Variants in ARHGEF19 observed in about 807,000 individuals in gnomAD.
The protein encoded by ARHGEF19 is Rho guanine nucleotide exchange factor 19.
A neutral mutation model predicts 87.6 loss-of-function variants in ARHGEF19; 92 were observed. That is an observed-to-expected ratio of 1.05 (90% confidence interval 0.89 to 1.25). The LOEUF (loss-of-function observed/expected upper bound fraction) is 1.25. Among genes scored for constraint, ARHGEF19 ranks in the 50% most tolerant of loss-of-function variants. The pLI is 0.00. For synonymous variants in ARHGEF19, 438 were observed against 446.2 expected (o/e 0.98, Z 0.23); for missense variants, 1,054 against 1,051.8 (o/e 1.00, Z -0.03).
In ARHGEF19 at chr1:16,198,530, C is replaced by G; in HGVS notation, c.*57G>C. On this transcript the variant is annotated 3_prime_UTR_variant, in exon 16 of 16. Coordinates refer to ENST00000270747, the MANE Select transcript of ARHGEF19 (RefSeq NM_153213.5). This position sits in a 1 kb window ranked among gnomAD's most constrained non-coding sequence, Gnocchi z 4.1. ...TGGGGAATGGAGACACTGCAGGCCC[C>G]TCCAGGACCATCCAGGAGCCAGGCA... The G allele has an allele frequency of 6.5e-7, 1 of 1,547,954 alleles. No individual in the cohort carries two copies. The highest frequency in any genetic ancestry group is 2.3e-5 in the East Asian group (1 of 44,232).
chr1:16,198,881 C>A lies in ARHGEF19; in HGVS notation c.2252-137G>T. The A allele has an allele frequency of 2.6e-6, 3 of 1,149,506 alleles. No homozygotes were observed. The highest frequency in any genetic ancestry group is 3.6e-6 in the Non-Finnish European group (3 of 825,450). 71.2% of individuals were successfully genotyped at this position (1,149,506 alleles called of 1,614,324 possible). A position where few individuals can be genotyped will look rare whatever the true frequency, so the allele number is the denominator to read the frequency against. On this transcript the variant is annotated intron_variant, in intron 15 of 15. Transcript: ENST00000270747. The surrounding 1 kb of genome is among the most constrained non-coding windows in gnomAD (Gnocchi z 4.1). ...GACATCATCTCAGCATCTCTCAGCT[C>A]CAGGAAGGACCCTGTCTTGAGCTGT... is the stretch of plus-strand genomic sequence containing the variant.
At position 16,198,661 on chromosome 1, in the gene ARHGEF19, C is replaced by A. The variant is rs774766550; in HGVS notation, c.2335G>T (p.Ala779Ser). 6.2e-7 allele frequency: 1 copy of A among 1,613,790 alleles called. No homozygotes were observed. Among genetic ancestry groups the A allele is most frequent in the Non-Finnish European group, 8.5e-7 (1 of 1,179,770 alleles). Reference protein sequence around the residue: ...AYVEEISSLSARLRNLRENKR... With the variant: ...AYVEEISSLSSRLRNLRENKR... ...TTCTCCCGGAGGTTTCGGAGGCGGG[C>A]GCTGAGGCTGCTGATCTCTTCCACA... The change falls in exon 16 of 16, where the codon GCC becomes TCC. Residue 779 changes from alanine (A) to serine (S), a missense_variant. By Grantham distance (99) the Ala-to-Ser change is moderately conservative. Transcript: ENST00000270747. This position sits in a 1 kb window ranked among gnomAD's most constrained non-coding sequence, Gnocchi z 4.1.
chr1:16,206,828 A>C lies in ARHGEF19; in HGVS notation c.1137+120T>G. The stretch of plus-strand genomic sequence containing the variant: ...CCTAGAGCCAACCTTCCGCGCGGAC[A>C]GTCGCGCCAGCAACCCCCTTTGTGT... On this transcript the variant is annotated intron_variant, in intron 6 of 15. Coordinates refer to ENST00000270747, the MANE Select transcript of ARHGEF19 (RefSeq NM_153213.5). The surrounding 1 kb of genome is among the most constrained non-coding windows in gnomAD (Gnocchi z 4.6). 4.1e-6 allele frequency: 5 copies of C among 1,232,654 alleles called. No individual in the cohort carries two copies. Among genetic ancestry groups the C allele is most frequent in the Non-Finnish European group, 4.2e-6 (4 of 944,844 alleles). 76.4% of individuals were successfully genotyped at this position (1,232,654 alleles called of 1,614,324 possible). A position where few individuals can be genotyped will look rare whatever the true frequency, so the allele number is the denominator to read the frequency against.
rs1199440028 is a variant in ARHGEF19 at position 16,206,326 on chromosome 1, C to A, written c.1152G>T (p.Leu384=). The A allele has an allele frequency of 6.3e-6, 10 of 1,579,236 alleles. No homozygotes were observed. Among genetic ancestry groups the A allele is most frequent in the Non-Finnish European group, 8.6e-6 (10 of 1,163,014 alleles). The change falls in exon 7 of 16, where the codon CTG becomes CTT. Residue 384 remains leucine (L), a synonymous_variant. Coordinates refer to ENST00000270747, the MANE Select transcript of ARHGEF19 (RefSeq NM_153213.5). This position sits in a 1 kb window ranked among gnomAD's most constrained non-coding sequence, Gnocchi z 4.6. Reference sequence around the variant, plus strand: ...GGATGTAGGAGGCCTCGGAGGTGATCAGCTCAAACTTGGCCTGAGGGAGGG... The same window carrying A: ...GGATGTAGGAGGCCTCGGAGGTGATAAGCTCAAACTTGGCCTGAGGGAGGG... The part of the protein sequence containing the change: ...DCKLQEAKFE[L]ITSEASYIHS...
chr1:16,208,841 G>C lies in ARHGEF19; in HGVS notation c.214C>G (p.Pro72Ala). The C allele has an allele frequency of 6.2e-7, 1 of 1,611,092 alleles. No homozygotes were observed. Among genetic ancestry groups the C allele is most frequent in the Non-Finnish European group, 8.5e-7 (1 of 1,179,076 alleles). ...GSRWSLGTPA[P>A]LQGLLWPLSP... The stretch of plus-strand genomic sequence containing the variant: ...AATGGCCATAGCAACCCTTGGAGAG[G>C]GGCAGGGGTCCCCAGGGACCAGCGG... Residue 72 changes from proline to alanine, a missense_variant, in exon 2 of 16, where the codon CCT (proline) becomes GCT (alanine). Physicochemically the swap from Pro to Ala is conservative, Grantham distance 27. Coordinates refer to ENST00000270747, the MANE Select transcript of ARHGEF19 (RefSeq NM_153213.5).
chr1:16,209,675 C>T (rs1046990158), intron 1 of ARHGEF19, among the ~76,000 whole-genome samples: 7 of 152,212 alleles, frequency 4.6e-5, no homozygotes, highest in Non-Finnish European at 1.0e-4. Flanking sequence ...CACGCTGACC[C>T]GTCCGATATT....
In ARHGEF19 at chr1:16,198,692, C is replaced by T. The variant is rs766369332; in HGVS notation, c.2304G>A (p.Gln768=). The T allele has an allele frequency of 5.0e-6, 8 of 1,613,162 alleles. No individual in the cohort carries two copies. In the South Asian group the frequency reaches 8.8e-5, roughly 18 times the overall value. Residue 768 remains glutamine (Q), a synonymous_variant, in exon 16 of 16, where the codon CAG becomes CAA. Coordinates refer to ENST00000270747, the MANE Select transcript of ARHGEF19 (RefSeq NM_153213.5). The surrounding 1 kb of genome is among the most constrained non-coding windows in gnomAD (Gnocchi z 4.1). Reference sequence around the variant, plus strand: ...GGCTGCTGATCTCTTCCACATAGGCCTGGGGCACCCACCCCTTCTCACCAT... The same window carrying T: ...GGCTGCTGATCTCTTCCACATAGGCTTGGGGCACCCACCCCTTCTCACCAT... ...LADGEKGWVP[Q]AYVEEISSLS... is the part of the protein sequence containing the mutation.
chr1:16,200,227 C>T (rs147139150), intron 14 of ARHGEF19, among the ~76,000 whole-genome samples: 103 of 152,348 alleles, frequency 6.8e-4, no homozygotes, highest in African/African-American at 2.4e-3. Context: ...CCAGTTCTGC[C>T]GCTTACTGGC....
Position 16,207,069 on chromosome 1 carries a change from C to G in ARHGEF19, c.1016G>C (p.Ser339Thr), listed in dbSNP as rs1342082350. ...GPPRANLSPS[S>T]SFRAQRSARG... The stretch of plus-strand genomic sequence containing the variant: ...CGCCGAGCGCTGCGCCCGGAAGGAG[C>G]TGCTGGGGGAGAGGTTGGCCCGCGG... Residue 339 changes from serine (S) to threonine (T), a missense_variant, in exon 6 of 16, where the codon AGC becomes ACC. Transcript: ENST00000270747. The surrounding 1 kb of genome is among the most constrained non-coding windows in gnomAD (Gnocchi z 4.0). The G allele has an allele frequency of 1.3e-6, 2 of 1,509,156 alleles. No individual in the cohort carries two copies. Among genetic ancestry groups the G allele is most frequent in the Non-Finnish European group, 1.8e-6 (2 of 1,131,308 alleles). 93.5% of individuals were successfully genotyped at this position (1,509,156 alleles called of 1,614,324 possible).
chr1:16,202,626 C>T (rs1326758015), intron 12 of ARHGEF19, 52 bp from the exon 13 acceptor site: 1 of 1,581,130 alleles, frequency 6.3e-7, no homozygotes, highest in East Asian at 2.2e-5. Context: ...TGGCTCTAGG[C>T]ACCCACCCTC....
In ARHGEF19 at chr1:16,199,239, T is replaced by G; in HGVS notation, c.2162A>C (p.Gln721Pro). ...ISEGEDCPQV[Q>P]CVRTYKALHP... ...CAGTGCCTTGTATGTCCTAACACAC[T>G]GAACCTGGGGGCAATCTGACAGCCC... is the stretch of plus-strand genomic sequence containing the variant. The change falls in exon 15 of 16, where the codon CAG becomes CCG. Residue 721 changes from glutamine to proline, a missense_variant. Physicochemically the swap from Gln to Pro is moderately conservative, Grantham distance 76. Coordinates refer to ENST00000270747, the MANE Select transcript of ARHGEF19 (RefSeq NM_153213.5). 6.2e-7 allele frequency: 1 copy of G among 1,613,818 alleles called. No homozygotes were observed. The highest frequency in any genetic ancestry group is 8.5e-7 in the Non-Finnish European group (1 of 1,179,856).
Position 16,212,624 on chromosome 1 carries a change from C to G in ARHGEF19, c.-152G>C, listed in dbSNP as rs994972002. On this transcript the variant is annotated 5_prime_UTR_variant, in exon 1 of 16. Coordinates refer to ENST00000270747, the MANE Select transcript of ARHGEF19 (RefSeq NM_153213.5). Reference sequence around the variant, plus strand: ...CAGCATGTCAGCATGGCCCCAGAGCCGAGCAAGGCAAGCTCCTGGGTATTG... The same window carrying G: ...CAGCATGTCAGCATGGCCCCAGAGCGGAGCAAGGCAAGCTCCTGGGTATTG... 1 of 152,364 alleles carries G rather than the reference C, an allele frequency of 6.6e-6. No individual in the cohort carries two copies. The highest frequency in any genetic ancestry group is 6.5e-5 in the Admixed American group (1 of 15,280). 9.4% of individuals were successfully genotyped at this position (152,364 alleles called of 1,614,324 possible). A position where few individuals can be genotyped will look rare whatever the true frequency, so the allele number is the denominator to read the frequency against.
chr1:16,201,430 C>T (rs781715502), intron 14 of ARHGEF19, among the ~76,000 whole-genome samples: 48 of 152,172 alleles, frequency 3.2e-4, no homozygotes, highest in Non-Finnish European at 5.9e-4. Context: ...TTGCAACTGA[C>T]GCAAAGATGG....
Position 16,205,890 on chromosome 1 carries a change from T to C in ARHGEF19, c.1451+41A>G, listed in dbSNP as rs748086223. On this transcript the variant is annotated intron_variant, in intron 8 of 15. Transcript: ENST00000270747. The surrounding 1 kb of genome is among the most constrained non-coding windows in gnomAD (Gnocchi z 5.8). Reference sequence around the variant, plus strand: ...CTCAGTGCCTACACCTGCCTGAGACTCCCTCCACGCCCCCGCCCCTTTCAG... The same window carrying C: ...CTCAGTGCCTACACCTGCCTGAGACCCCCTCCACGCCCCCGCCCCTTTCAG... The C allele has an allele frequency of 2.5e-6, 4 of 1,569,660 alleles. No individual in the cohort carries two copies. Among genetic ancestry groups the C allele is most frequent in the Non-Finnish European group, 3.5e-6 (4 of 1,157,100 alleles).
At chr1:16,210,475 G>A (rs560446967) in intron 1 of ARHGEF19, among the ~76,000 whole-genome samples, 2 of 152,332 alleles carry the variant, frequency 1.3e-5, no homozygotes. Flanking sequence ...GCCAGTAACT[G>A]AGAAACCAAG....
At chr1:16,199,366 A>G (rs1203250558) in intron 14 of ARHGEF19, 112 bp from the exon 15 acceptor site, 1 of 837,888 alleles carries the variant, frequency 1.2e-6, no homozygotes, top group African/African-American at 1.7e-5. Context: ...GAAGGTGGCC[A>G]TTGAGGCTTC....
chr1:16,200,626 C>A (rs2081076782), intron 14 of ARHGEF19, among the ~76,000 whole-genome samples: 2 of 152,202 alleles, frequency 1.3e-5, no homozygotes, highest in Non-Finnish European at 2.9e-5. Flanking sequence ...CGCCTATAAT[C>A]CCAGCTACTT....
chr1:16,202,025 C>T (rs1364891385), intron 13 of ARHGEF19, among the ~76,000 whole-genome samples, 164 bp from the exon 14 acceptor site: 5 of 148,098 alleles, frequency 3.4e-5, no homozygotes, highest in South Asian at 4.6e-4. Flanking sequence ...CCCCACAACC[C>T]GGTTCCCAAG....
intron 1 of ARHGEF19, among the ~76,000 whole-genome samples, chr1:16,211,938 A>G (rs2081201450): frequency 6.6e-6 from 1 of 152,250 alleles, no homozygotes. Context: ...TTTGAGGCCC[A>G]GTGTTGACAC....
Sources: allele counts gnomAD v4.1 joint callset (sites outside exome capture counted in the v4.1 genomes callset), GRCh38; gene constraint gnomAD v4.1.1; non-coding constraint Gnocchi (gnomAD v3.1); transcripts MANE v1.5; gene names NCBI Gene and HGNC (gene_info 2026-07-23, HGNC 2026-07-21).